PAIP2: variants seen among roughly 807,000 people sequenced by gnomAD.
The protein encoded by PAIP2 is polyadenylate-binding protein-interacting protein 2.
Under a neutral mutation model 14.8 loss-of-function variants are expected in PAIP2, and 7 were observed. The ratio of observed to expected loss-of-function variants is 0.47; its 90% confidence interval spans 0.27 to 0.89. PAIP2 has a LOEUF of 0.89. Ranked by LOEUF, PAIP2 falls within the 40% of genes least tolerant of loss-of-function variation. PAIP2 has a pLI of 0.13. For missense variants in PAIP2, 122 were observed against 154.7 expected, an observed-to-expected ratio of 0.79 and a Z score of 1.12; for synonymous variants, 47 against 45.3, an observed-to-expected ratio of 1.04 and a Z score of -0.15.
intron 1 of PAIP2, among the ~76,000 whole-genome samples, chr5:139,363,361 A>G (rs995037448): frequency 2.0e-5 from 3 of 152,200 alleles, no homozygotes; most frequent in African/African-American, 7.2e-5. Flanking sequence ...GTGTATTTTT[A>G]ATGTATCATC....
chr5:139,347,291 T>TTTA (rs1372548873), intron 1 of PAIP2, among the ~76,000 whole-genome samples: 2 of 147,940 alleles, frequency 1.4e-5, no homozygotes, highest in African/African-American at 5.2e-5. Flanking sequence ...TTTTTTTTTT[T>TTTA]AAGACACAGT....
intron 1 of PAIP2, among the ~76,000 whole-genome samples, chr5:139,352,260 C>T (rs1247754530): frequency 1.5e-5 from 2 of 130,978 alleles, no homozygotes; most frequent in African/African-American, 2.5e-5. Flanking sequence ...ATCTGATTTA[C>T]AAGTATTTTA....
At chr5:139,368,661 A>T in intron 3 of PAIP2, 72 bp from the exon 4 acceptor site, 1 of 998,644 alleles carries the variant, frequency 1.0e-6, no homozygotes, top group Non-Finnish European at 1.6e-6. Context: ...ATGTTTTTGC[A>T]TGAGGATCTA....
At position 139,364,569 on chromosome 5, in the gene PAIP2, A is replaced by C; in HGVS notation, c.144A>C (p.Glu48Asp). The C allele has an allele frequency of 1.3e-6, 2 of 1,572,204 alleles. No individual in the cohort carries two copies. Among genetic ancestry groups the C allele is most frequent in the Non-Finnish European group, 1.7e-6 (2 of 1,143,070 alleles). ...ENEEEFNRQI[E>D]EELWEEEFIE... ...ATCCTTTATTATAAATCTAGATAGA[A>C]GAGGAGTTATGGGAAGAAGAATTTA... Residue 48 changes from glutamate to aspartate, a missense_variant, in exon 3 of 4, where the codon GAA (glutamate) becomes GAC (aspartate). Transcript: ENST00000265192.
chr5:139,347,881 G>A (rs1756602399), intron 1 of PAIP2, among the ~76,000 whole-genome samples: 1 of 152,018 alleles, frequency 6.6e-6, no homozygotes, highest in Non-Finnish European at 1.5e-5. Context: ...ATGAATATAA[G>A]AAACAACTCG....
At chr5:139,355,781 C>T (rs1756890637) in intron 1 of PAIP2, among the ~76,000 whole-genome samples, 1 of 151,992 alleles carries the variant, frequency 6.6e-6, no homozygotes, top group African/African-American at 2.4e-5. Context: ...CGCTTGAACC[C>T]AGGAGGCGGA....
At chr5:139,359,246 C>T (rs1026504289) in intron 1 of PAIP2, among the ~76,000 whole-genome samples, 3 of 152,134 alleles carry the variant, frequency 2.0e-5, no homozygotes, top group Non-Finnish European at 4.4e-5. Context: ...AAGTGATTCT[C>T]CTGCCTCAGC....
At chr5:139,350,990 A>T (rs1161949220) in intron 1 of PAIP2, among the ~76,000 whole-genome samples, 1 of 152,182 alleles carries the variant, frequency 6.6e-6, no homozygotes, top group African/African-American at 2.4e-5. Flanking sequence ...TTAAATATAA[A>T]AACTTGAAAC....
At chr5:139,367,214 G>A (rs1017455490) in intron 3 of PAIP2, 1 of 152,198 alleles carries the variant, frequency 6.6e-6, no homozygotes, top group Admixed American at 6.5e-5. Context: ...TCAACATGAT[G>A]TTTAATATTA....
chr5:139,351,244 A>G (rs756989181), intron 1 of PAIP2, among the ~76,000 whole-genome samples: 5 of 152,238 alleles, frequency 3.3e-5, no homozygotes, highest in African/African-American at 7.2e-5. Context: ...TTAAAATGCA[A>G]TGGCCCTTGA....
At chr5:139,353,342 G>T (rs1756806417) in intron 1 of PAIP2, among the ~76,000 whole-genome samples, 1 of 152,096 alleles carries the variant, frequency 6.6e-6, no homozygotes, top group Non-Finnish European at 1.5e-5. Flanking sequence ...TCAGCCAGGG[G>T]AGACTCTCAA....
At chr5:139,367,312 T>C (rs1757308951) in intron 3 of PAIP2, 1 of 152,192 alleles carries the variant, frequency 6.6e-6, no homozygotes, top group Non-Finnish European at 1.5e-5. Context: ...CCTGCCCTCA[T>C]TTCTTTTTAT....
At chr5:139,361,347 T>C (rs1156370012) in intron 1 of PAIP2, among the ~76,000 whole-genome samples, 6 of 152,138 alleles carry the variant, frequency 3.9e-5, no homozygotes, top group African/African-American at 1.4e-4. Context: ...AAAATACATA[T>C]ATTTCCAGTA....
At chr5:139,368,057 C>T (rs1757382902) in intron 3 of PAIP2, among the ~76,000 whole-genome samples, 2 of 152,142 alleles carry the variant, frequency 1.3e-5, no homozygotes, top group African/African-American at 4.8e-5. Flanking sequence ...AAAATTAGGC[C>T]GGGCGCGGTG....
rs1275169776 is a variant in PAIP2 at position 139,368,932 on chromosome 5, A to T, written c.*134A>T. The T allele has an allele frequency of 3.2e-6, 2 of 632,594 alleles. No homozygotes were observed. The highest frequency in any genetic ancestry group is 5.6e-6 in the Non-Finnish European group (2 of 354,978). 39.2% of individuals were successfully genotyped at this position (632,594 alleles called of 1,614,324 possible). A position where few individuals can be genotyped will look rare whatever the true frequency, so the allele number is the denominator to read the frequency against. On this transcript the variant is annotated 3_prime_UTR_variant, in exon 4 of 4. Transcript: ENST00000265192. ...TTGCCAAAGTTTTTGTTAGTCTTGC[A>T]TGCTTAATAAAAGTGCTGAGACTGT...
chr5:139,351,520 A>T (rs937337540), intron 1 of PAIP2, among the ~76,000 whole-genome samples: 4 of 152,252 alleles, frequency 2.6e-5, no homozygotes, highest in African/African-American at 7.2e-5. Context: ...ATGTGTGTTT[A>T]TATAAACAAA....
chr5:139,342,746 G>A (rs1445510475), intron 1 of PAIP2: 1 of 152,152 alleles, frequency 6.6e-6, no homozygotes, highest in Non-Finnish European at 1.5e-5. Flanking sequence ...TAAGGCTTGT[G>A]GTGAACTTAG....
intron 1 of PAIP2, among the ~76,000 whole-genome samples, chr5:139,353,722 TC>T (rs1325245199): frequency 9.5e-6 from 1 of 105,202 alleles, no homozygotes; most frequent in Non-Finnish European, 2.6e-5. Context: ...CATTGTCTTT[TC>T]TTTTTTTTTT....
intron 1 of PAIP2, among the ~76,000 whole-genome samples, chr5:139,353,525 TTTGAG>T (rs1031830731): frequency 2.6e-5 from 4 of 152,096 alleles, no homozygotes; most frequent in African/African-American, 4.8e-5. Context: ...AACAATTCAG[TTTGAG>T]TTAATATCAG....
Sources: gnomAD v4.1 joint callset for allele counts (sites outside exome capture counted in the v4.1 genomes callset) on GRCh38, gnomAD v4.1.1 for gene constraint, MANE v1.5 for transcripts, NCBI Gene and HGNC (gene_info 2026-07-23, HGNC 2026-07-21) for gene names.